SHROOM3: variants seen among roughly 807,000 people sequenced by gnomAD.
The protein encoded by SHROOM3 is shroom family member 3.
A neutral mutation model predicts 138.6 loss-of-function variants in SHROOM3; 47 were observed. That is an observed-to-expected ratio of 0.34 (90% CI 0.27 to 0.43). The LOEUF (loss-of-function observed/expected upper bound fraction) is 0.43, where lower values mean the gene tolerates loss of function less well. Among genes scored for constraint, SHROOM3 ranks in the 20% least tolerant of loss-of-function variants. The pLI is 1.00. For synonymous variants in SHROOM3, 1,062 were observed against 1,063.3 expected, an observed-to-expected ratio of 1.00 and a Z score of 0.02; for missense variants, 2,491 against 2,596.5, an observed-to-expected ratio of 0.96 and a Z score of 0.88.
In SHROOM3 at chr4:76,680,617, A is replaced by G. The variant is rs116203286; in HGVS notation, c.324-29539A>G. ...CCTGATTAATAAGAGCTAAAATTCA[A>G]TAAGCACTTCCTTTATAGCAGGGAC... On this transcript the variant is annotated intron_variant, in intron 2 of 10. Coordinates refer to ENST00000296043, the MANE Select transcript of SHROOM3 (RefSeq NM_020859.4). 1.9e-3 allele frequency among the ~76,000 whole-genome samples: 285 copies of G among 152,334 alleles called. 2 individuals carry two copies. The highest frequency in any genetic ancestry group is 6.5e-3 in the African/African-American group (269 of 41,564).
At chr4:76,709,359 T>C (rs1048688771) in intron 2 of SHROOM3, among the ~76,000 whole-genome samples, 3 of 152,148 alleles carry the variant, frequency 2.0e-5, no homozygotes, top group African/African-American at 7.2e-5. Context: ...ATGACAAAAC[T>C]TCAAAGCCTG....
At chr4:76,731,790 AC>A (rs372858756) in intron 4 of SHROOM3, among the ~76,000 whole-genome samples, 29,902 of 145,192 alleles carry the variant, frequency 0.21, 3,242 homozygotes, top group African/African-American at 0.26. Flanking sequence ...CAAAAAAAAA[AC>A]AAACAAACAA....
intron 3 of SHROOM3, among the ~76,000 whole-genome samples, chr4:76,720,014 T>C (rs1483420000): frequency 6.6e-6 from 1 of 152,186 alleles, no homozygotes; most frequent in Non-Finnish European, 1.5e-5. Flanking sequence ...TAAAAACAAC[T>C]TTTCTTTCCA....
chr4:76,536,523 A>G (rs1056113017), intron 1 of SHROOM3, among the ~76,000 whole-genome samples: 1 of 152,250 alleles, frequency 6.6e-6, no homozygotes, highest in Non-Finnish European at 1.5e-5. Context: ...TTTTAAAGGT[A>G]GGACTTTTTA....
Position 76,531,350 on chromosome 4 carries a change from C to T in SHROOM3, c.169-24259C>T, listed in dbSNP as rs565559970. Among the ~76,000 whole-genome samples, 242 of 152,226 alleles carry T rather than the reference C, an allele frequency of 1.6e-3. 3 individuals carry two copies. The highest frequency in any genetic ancestry group is 5.7e-3 in the African/African-American group (238 of 41,544). On this transcript the variant is annotated intron_variant, in intron 1 of 10. Transcript: ENST00000296043. ...AACATTACACAAATTGATGGTGCCCCTCAGTATAAAGAGCACAGTCTTTGT... is the reference window on the plus strand; with the variant it reads ...AACATTACACAAATTGATGGTGCCCTTCAGTATAAAGAGCACAGTCTTTGT...
chr4:76,729,762 T>C (rs570319218), intron 3 of SHROOM3, among the ~76,000 whole-genome samples: 2 of 152,336 alleles, frequency 1.3e-5, no homozygotes, highest in African/African-American at 4.8e-5. Flanking sequence ...GATGTCCTAA[T>C]ACATTAAATT....
At chr4:76,451,530 T>A (rs1730925616) in intron 1 of SHROOM3, among the ~76,000 whole-genome samples, 1 of 152,214 alleles carries the variant, frequency 6.6e-6, no homozygotes, top group Non-Finnish European at 1.5e-5. Flanking sequence ...GCACAAGGGA[T>A]GATGTGCGCT....
intron 2 of SHROOM3, among the ~76,000 whole-genome samples, chr4:76,698,424 T>C (rs1719808165): frequency 6.6e-6 from 1 of 152,180 alleles, no homozygotes; most frequent in Non-Finnish European, 1.5e-5. Flanking sequence ...TTTTTCCCAA[T>C]GAATGACAAT....
At chr4:76,505,308 C>T (rs1732186901) in intron 1 of SHROOM3, among the ~76,000 whole-genome samples, 1 of 152,172 alleles carries the variant, frequency 6.6e-6, no homozygotes. Flanking sequence ...AAGGAAATTC[C>T]CTTCCATTCC....
chr4:76,561,730 C>G (rs997128223), intron 2 of SHROOM3, among the ~76,000 whole-genome samples: 14 of 150,828 alleles, frequency 9.3e-5, no homozygotes, highest in African/African-American at 3.2e-4. Flanking sequence ...AAAGACAAGG[C>G]CGGGCATGGT....
intron 1 of SHROOM3, among the ~76,000 whole-genome samples, chr4:76,508,185 C>G (rs534959978): frequency 3.3e-5 from 5 of 149,542 alleles, no homozygotes; most frequent in African/African-American, 1.2e-4. Context: ...AAGTTTATAG[C>G]TTTAGCTCTT....
At chr4:76,472,245 G>C (rs1028246632) in intron 1 of SHROOM3, among the ~76,000 whole-genome samples, 2 of 152,168 alleles carry the variant, frequency 1.3e-5, no homozygotes, top group African/African-American at 2.4e-5. Flanking sequence ...GAGAAACACA[G>C]TTTTGTGCAA....
chr4:76,646,795 A>T (rs1735830914), intron 2 of SHROOM3, among the ~76,000 whole-genome samples: 1 of 152,228 alleles, frequency 6.6e-6, no homozygotes, highest in African/African-American at 2.4e-5. Flanking sequence ...ATGCAGAGAA[A>T]AGGCAACTCT....
chr4:76,485,948 G>C (rs1731720674), intron 1 of SHROOM3, among the ~76,000 whole-genome samples: 1 of 152,056 alleles, frequency 6.6e-6, no homozygotes, highest in Non-Finnish European at 1.5e-5. Context: ...ATCATAGCTT[G>C]GCCATTTCCA....
chr4:76,749,540 G>A (rs1467329453), intron 6 of SHROOM3, among the ~76,000 whole-genome samples: 1 of 152,188 alleles, frequency 6.6e-6, no homozygotes, highest in East Asian at 1.9e-4. Flanking sequence ...CCTCCTGTGT[G>A]GCTGATCTCA....
chr4:76,490,396 G>T (rs1349203248), intron 1 of SHROOM3, among the ~76,000 whole-genome samples: 2 of 152,096 alleles, frequency 1.3e-5, no homozygotes, highest in African/African-American at 4.8e-5. Flanking sequence ...TGCAAAGGGA[G>T]TAGCTTCTGG....
At chr4:76,504,163 A>ATT (rs1178508674) in intron 1 of SHROOM3, among the ~76,000 whole-genome samples, 15 of 149,342 alleles carry the variant, frequency 1.0e-4, no homozygotes, top group African/African-American at 3.2e-4. Context: ...TCTCAAAAAA[A>ATT]TTTTTTTTTT....
chr4:76,740,873 G>A lies in SHROOM3; in HGVS notation c.2700G>A (p.Arg900=), dbSNP rs746896592. Residue 900 remains arginine (R), a synonymous_variant, in exon 5 of 11, where the codon AGG becomes AGA. Coordinates refer to ENST00000296043, the MANE Select transcript of SHROOM3 (RefSeq NM_020859.4). This position sits in a 1 kb window ranked among gnomAD's most constrained non-coding sequence, Gnocchi z 4.0. The part of the protein sequence containing the change: ...STFQLSSEPE[R]EPEWRDRPGS... ...TCCAGCTCTCCAGCGAGCCAGAGAG[G>A]GAGCCCGAGTGGCGGGACAGGCCCG... 7 of 1,550,592 alleles carry A rather than the reference G, an allele frequency of 4.5e-6. No individual in the cohort carries two copies. The African/African-American group carries it at 6.9e-5, about 15-fold the overall frequency.
chr4:76,747,097 C>A (rs1477039163), intron 5 of SHROOM3, among the ~76,000 whole-genome samples: 1 of 152,172 alleles, frequency 6.6e-6, no homozygotes, highest in Middle Eastern at 3.4e-3. Flanking sequence ...GGATCACAGG[C>A]GTGAGCCACC....
Sources: gnomAD v4.1 joint callset for allele counts (sites outside exome capture counted in the v4.1 genomes callset) on GRCh38, gnomAD v4.1.1 for gene constraint, Gnocchi (gnomAD v3.1) non-coding constraint, MANE v1.5 for transcripts, NCBI Gene and HGNC (gene_info 2026-07-23, HGNC 2026-07-21) for gene names.